CA10: variants seen among roughly 807,000 people sequenced by gnomAD.
CA10 encodes the protein carbonic anhydrase-related protein 10.
A neutral mutation model predicts 44.2 loss-of-function variants in CA10; 14 were observed. The ratio of observed to expected loss-of-function variants is 0.32; its 90% CI spans 0.21 to 0.50. The LOEUF (loss-of-function observed/expected upper bound fraction) is 0.50. CA10 is among the 20% of genes least tolerant of loss of function. CA10 has a pLI of 0.99. For missense variants in CA10, 350 were observed against 409.7 expected (o/e 0.85, Z 1.26); for synonymous variants, 159 against 141.6 (o/e 1.12, Z -0.87).
intron 1 of CA10, among the ~76,000 whole-genome samples, chr17:52,074,266 C>T (rs949672485): frequency 2.0e-5 from 3 of 152,152 alleles, no homozygotes; most frequent in African/African-American, 4.8e-5. Flanking sequence ...AAACCCCAAA[C>T]CTGATAATTC....
intron 4 of CA10, among the ~76,000 whole-genome samples, chr17:51,714,201 T>C (rs1916026810): frequency 6.6e-6 from 1 of 152,194 alleles, no homozygotes; most frequent in African/African-American, 2.4e-5. Context: ...GATATTATTA[T>C]ATGTTACCAT....
At chr17:51,756,211 T>C (rs561945468) in intron 3 of CA10, among the ~76,000 whole-genome samples, 1 of 152,324 alleles carries the variant, frequency 6.6e-6, no homozygotes, top group East Asian at 1.9e-4. Context: ...TACTCTGGGC[T>C]GTGTACTCAG....
chr17:51,875,557 G>A (rs1371510298), intron 3 of CA10, among the ~76,000 whole-genome samples: 1 of 152,082 alleles, frequency 6.6e-6, no homozygotes, highest in African/African-American at 2.4e-5. Flanking sequence ...TTCTAATCTG[G>A]GTTCTATTCT....
At chr17:51,643,071 T>C (rs1913161107) in intron 6 of CA10, among the ~76,000 whole-genome samples, 1 of 152,234 alleles carries the variant, frequency 6.6e-6, no homozygotes. Context: ...TAGAGGAAAG[T>C]GTTTTATATG....
At position 51,820,288 on chromosome 17, in the gene CA10, A is replaced by G. The variant is rs186273649; in HGVS notation, c.280-72470T>C. 6.7e-4 allele frequency among the ~76,000 whole-genome samples: 96 copies of G among 142,492 alleles called. 1 individual carries two copies. The highest frequency in any genetic ancestry group is 2.4e-3 in the African/African-American group (93 of 38,016). The allele number at this position is 142,492 out of a possible 152,430, so 93.5% of individuals were successfully genotyped here. ...CAATGCGTTCTTTTCTTGTGCATGT[A>G]CAGTGAACCTCCCCAACTGACACAC... On this transcript the variant is annotated intron_variant, in intron 3 of 8. Coordinates refer to ENST00000451037, the MANE Select transcript of CA10 (RefSeq NM_020178.5).
intron 2 of CA10, among the ~76,000 whole-genome samples, chr17:51,959,280 CTCTGTGTGTGTGTG>C (rs1374263316): frequency 4.5e-5 from 3 of 66,512 alleles, no homozygotes; most frequent in South Asian, 5.3e-4. Context: ...CGCTCTCTCT[CTCTGTGTGTGTGTG>C]TGTGTGTGTG....
At chr17:52,148,479 G>C (rs757885151) in intron 1 of CA10, among the ~76,000 whole-genome samples, 2 of 152,202 alleles carry the variant, frequency 1.3e-5, no homozygotes, top group Non-Finnish European at 2.9e-5. Context: ...ATATGAGTCA[G>C]AGCAGGACTA....
intron 1 of CA10, among the ~76,000 whole-genome samples, chr17:52,149,288 A>T (rs1989653695): frequency 6.6e-6 from 1 of 152,246 alleles, no homozygotes; most frequent in South Asian, 2.1e-4. Context: ...AAAGTTAAAG[A>T]TTAATTCTTC....
chr17:51,915,361 G>A (rs1981952739), intron 3 of CA10, among the ~76,000 whole-genome samples: 1 of 152,152 alleles, frequency 6.6e-6, no homozygotes, highest in Non-Finnish European at 1.5e-5. Flanking sequence ...TCTGAAAGGT[G>A]ATCAACAAAC....
At chr17:52,133,107 G>A (rs771067842) in intron 1 of CA10, among the ~76,000 whole-genome samples, 2 of 152,196 alleles carry the variant, frequency 1.3e-5, no homozygotes, top group South Asian at 2.1e-4. Flanking sequence ...CCCTGTCTGG[G>A]CCTCACCTTC....
chr17:51,752,887 G>A (rs181572087), intron 3 of CA10, among the ~76,000 whole-genome samples: 5 of 152,090 alleles, frequency 3.3e-5, no homozygotes, highest in African/African-American at 1.2e-4. Flanking sequence ...CCACTGCACT[G>A]CAGCCTGGGT....
intron 2 of CA10, among the ~76,000 whole-genome samples, chr17:52,050,425 GC>G (rs1987031661): frequency 6.6e-6 from 1 of 151,938 alleles, no homozygotes; most frequent in South Asian, 2.1e-4. Flanking sequence ...TTCCATGCTT[GC>G]CCTTTTCTAG....
At chr17:51,932,478 G>C in intron 2 of CA10, among the ~76,000 whole-genome samples, 1 of 152,002 alleles carries the variant, frequency 6.6e-6, no homozygotes, top group East Asian at 1.9e-4. Context: ...AGACATGGGA[G>C]GAGAACTAAA....
intron 2 of CA10, among the ~76,000 whole-genome samples, chr17:52,057,676 A>T (rs1008464439): frequency 6.6e-6 from 1 of 152,116 alleles, no homozygotes; most frequent in African/African-American, 2.4e-5. Context: ...TAACTACAGC[A>T]ATTGTTTAGA....
At chr17:51,827,237 T>C (rs1352570446) in intron 3 of CA10, among the ~76,000 whole-genome samples, 1 of 152,160 alleles carries the variant, frequency 6.6e-6, no homozygotes, top group African/African-American at 2.4e-5. Flanking sequence ...AAACAGACTA[T>C]ATCACTACCA....
chr17:51,839,954 T>TAA (rs1213234883), intron 3 of CA10, among the ~76,000 whole-genome samples: 1 of 152,184 alleles, frequency 6.6e-6, no homozygotes, highest in Non-Finnish European at 1.5e-5. Flanking sequence ...TCCTTACACT[T>TAA]ACGCTAGAAA....
intron 2 of CA10, among the ~76,000 whole-genome samples, chr17:52,061,987 T>A (rs747921819): frequency 4.0e-5 from 6 of 151,832 alleles, no homozygotes; most frequent in Non-Finnish European, 8.8e-5. Context: ...GGTGGTCACA[T>A]ACTGAATTTC....
intron 4 of CA10, among the ~76,000 whole-genome samples, chr17:51,708,339 G>C (rs1374817410): frequency 6.6e-6 from 1 of 152,188 alleles, no homozygotes; most frequent in East Asian, 1.9e-4. Context: ...TGAACACTTA[G>C]ACTTTCACAG....
At chr17:51,738,265 G>A (rs1028685801) in intron 4 of CA10, among the ~76,000 whole-genome samples, 3 of 152,172 alleles carry the variant, frequency 2.0e-5, no homozygotes, top group Non-Finnish European at 2.9e-5. Flanking sequence ...AAATGGATCC[G>A]GTGGTTTTAA....
Sources: allele counts gnomAD v4.1 joint callset (sites outside exome capture counted in the v4.1 genomes callset), GRCh38; gene constraint gnomAD v4.1.1; transcripts MANE v1.5; gene names NCBI Gene and HGNC (gene_info 2026-07-23, HGNC 2026-07-21).